APOOL: variants seen among roughly 807,000 people sequenced by gnomAD.
The protein encoded by APOOL is apolipoprotein O like.
In APOOL, 12 loss-of-function variants were observed where a neutral mutation model predicts 23.1. That is an observed-to-expected ratio of 0.52 (90% CI 0.33 to 0.84). The LOEUF (loss-of-function observed/expected upper bound fraction) is 0.84. APOOL is among the 40% of genes least tolerant of loss of function. The pLI is 0.02. For missense variants in APOOL, 212 were observed against 199.6 expected (o/e 1.06, Z -0.37); for synonymous variants, 77 against 69.9 (o/e 1.10, Z -0.51).
intron 1 of APOOL, among the ~76,000 whole-genome samples, chrX:85,034,849 A>G (rs190182945): frequency 2.5e-3 from 276 of 111,922 alleles, no homozygotes; most frequent in African/African-American, 8.6e-3. Flanking sequence ...CATTTTCTAT[A>G]TTCAGTACAA....
intron 1 of APOOL, among the ~76,000 whole-genome samples, chrX:85,044,221 A>G (rs938886140): frequency 9.1e-6 from 1 of 110,241 alleles, no homozygotes; most frequent in Non-Finnish European, 1.9e-5. Context: ...AAGTTTAGAC[A>G]GTAAGTTCCG....
At chrX:85,075,145 G>A (rs2147662542) in intron 8 of APOOL, among the ~76,000 whole-genome samples, 1 of 110,934 alleles carries the variant, frequency 9.0e-6, no homozygotes, top group East Asian at 2.8e-4. Flanking sequence ...AAAGGAAGGT[G>A]GCTAATTCAG....
Position 85,092,417 on chromosome X carries a change from G to T in APOOL, c.*4739G>T. 1 of 1,180,490 alleles carries T rather than the reference G, an allele frequency of 8.5e-7. No individual in the cohort carries two copies. The highest frequency in any genetic ancestry group is 1.1e-6 in the Non-Finnish European group (1 of 879,945). On this transcript the variant is annotated 3_prime_UTR_variant, in exon 9 of 9. Transcript: ENST00000373173. Reference sequence around the variant, plus strand: ...CATTCTTCCCATGCCATGTCCAGGAGTTCTTCTCTGTTAAACCTGAAGAGA... The same window carrying T: ...CATTCTTCCCATGCCATGTCCAGGATTTCTTCTCTGTTAAACCTGAAGAGA...
intron 1 of APOOL, among the ~76,000 whole-genome samples, chrX:85,017,332 G>A (rs1050064394): frequency 1.8e-5 from 2 of 111,319 alleles, no homozygotes; most frequent in Non-Finnish European, 1.9e-5. Context: ...TGCATTTGGC[G>A]AGGCCGATCT....
At position 85,051,461 on chromosome X, in the gene APOOL, T is replaced by C; in HGVS notation, c.193T>C (p.Phe65Leu). The C allele has an allele frequency of 1.7e-6, 2 of 1,211,253 alleles. No individual in the cohort carries two copies. The highest frequency in any genetic ancestry group is 1.1e-6 in the Non-Finnish European group (1 of 895,164). The change falls in exon 3 of 9, where the codon TTT (phenylalanine) becomes CTT (leucine). Residue 65 changes from phenylalanine to leucine, a missense_variant. Coordinates refer to ENST00000373173, the MANE Select transcript of APOOL (RefSeq NM_198450.6). ...GCAGCCTGGTCATTTACAAATGGGCTTTGCTTCCATCCGCACTGCAACTGG... is the reference window on the plus strand; with the variant it reads ...GCAGCCTGGTCATTTACAAATGGGCCTTGCTTCCATCCGCACTGCAACTGG... ...EEQPGHLQMGFASIRTATGCY... is the reference protein window; with the variant it reads ...EEQPGHLQMGLASIRTATGCY...
chrX:85,070,387 G>T (rs988994093), intron 6 of APOOL, among the ~76,000 whole-genome samples: 2 of 111,104 alleles, frequency 1.8e-5, no homozygotes, highest in Non-Finnish European at 3.8e-5. Flanking sequence ...ATTACTCTTC[G>T]CTTTTTATAA....
intron 8 of APOOL, among the ~76,000 whole-genome samples, chrX:85,077,848 G>C (rs190737784): frequency 1.8e-5 from 2 of 110,766 alleles, no homozygotes; most frequent in South Asian, 3.8e-4. Context: ...TTGCAGTGAT[G>C]ATGAGCATTT....
At chrX:85,078,838 TTC>T in intron 8 of APOOL, among the ~76,000 whole-genome samples, 1 of 111,331 alleles carries the variant, frequency 9.0e-6, no homozygotes, top group East Asian at 2.8e-4. Flanking sequence ...AGGTATTTTA[TTC>T]TCTTTGTAGC....
In APOOL at chrX:85,067,187, G is replaced by A; in HGVS notation, c.455G>A (p.Cys152Tyr). The A allele has an allele frequency of 8.6e-7, 1 of 1,158,265 alleles. No homozygotes were observed. Among genetic ancestry groups the A allele is most frequent in the Non-Finnish European group, 1.2e-6 (1 of 866,105 alleles). ...LGLATLGATV[C>Y]YPVQSVIIAK... is the part of the protein sequence containing the mutation. ...CTGGCCACTTTAGGAGCAACTGTTTGCTACCCAGTTCAGTCCGTAATAATT... is the reference window on the plus strand; with the variant it reads ...CTGGCCACTTTAGGAGCAACTGTTTACTACCCAGTTCAGTCCGTAATAATT... The change falls in exon 6 of 9, where the codon TGC becomes TAC. Residue 152 changes from cysteine (C) to tyrosine (Y), a missense_variant. By Grantham distance (194) the Cys-to-Tyr change is radical (BLOSUM62 -2). Transcript: ENST00000373173.
chrX:85,008,386 A>G, intron 1 of APOOL, among the ~76,000 whole-genome samples: 1 of 111,549 alleles, frequency 9.0e-6, no homozygotes, highest in Non-Finnish European at 1.9e-5. Flanking sequence ...AGTGAGTTCA[A>G]CTTCTCAAAA....
In APOOL at chrX:85,069,662, G is replaced by T. The variant is rs1336649335; in HGVS notation, c.486+2444G>T. ...ATCTTTCCTTTTTCTCTATTTTGAA[G>T]TAGGGCTTTTCTTTGAGTATTGGTC... On this transcript the variant is annotated intron_variant, in intron 6 of 8. Coordinates refer to ENST00000373173, the MANE Select transcript of APOOL (RefSeq NM_198450.6). 4.9e-5 allele frequency among the ~76,000 whole-genome samples: 5 copies of T among 101,638 alleles called. No individual in the cohort carries two copies. In the Middle Eastern group the frequency reaches 0.015, roughly 311 times the overall value. The allele number at this position is 101,638 out of a possible 115,157, so 88.3% of individuals were successfully genotyped here. A position where few individuals can be genotyped will look rare whatever the true frequency, so the allele number is the denominator to read the frequency against.
chrX:85,092,459 A>G lies in APOOL; in HGVS notation c.*4781A>G, dbSNP rs768768840. The G allele has an allele frequency of 6.7e-6, 8 of 1,202,536 alleles. No homozygotes were observed. The East Asian group carries it at 2.4e-4, about 36-fold the overall frequency. On this transcript the variant is annotated 3_prime_UTR_variant, in exon 9 of 9. Coordinates refer to ENST00000373173, the MANE Select transcript of APOOL (RefSeq NM_198450.6). ...CTGAAGAGATGCCAGCCCTCCTCAG[A>G]GGAAAGGTCTAAAGCCCCTCGACTA... is the stretch of plus-strand genomic sequence containing the variant.
intron 1 of APOOL, among the ~76,000 whole-genome samples, chrX:85,010,243 CATT>C (rs1921230347): frequency 1.8e-5 from 2 of 112,069 alleles, no homozygotes; most frequent in African/African-American, 6.5e-5. Flanking sequence ...AGTGGTATAT[CATT>C]GTTGTTTTAA....
rs1924406633 is a variant in APOOL, at chrX:85,088,148, ATAAAT to A, written c.*471_*475del. 1 of 4,964 alleles carries A rather than the reference ATAAAT, an allele frequency of 2.0e-4. No homozygotes were observed. The highest frequency in any genetic ancestry group is 3.9e-4 in the Non-Finnish European group (1 of 2,550). The allele number at this position is 4,964 out of a possible 1,213,427, so 0.4% of individuals were successfully genotyped here. On this transcript the variant is annotated 3_prime_UTR_variant, in exon 9 of 9. Coordinates refer to ENST00000373173, the MANE Select transcript of APOOL (RefSeq NM_198450.6). ...TACATACATATTTATACATATATGT[ATAAAT>A]ACATACATATTTATACATATATGTA...
At chrX:85,073,933 TA>T in intron 6 of APOOL, 64 bp from the exon 7 acceptor site, 1 of 824,708 alleles carries the variant, frequency 1.2e-6, no homozygotes, top group Non-Finnish European at 1.7e-6. Flanking sequence ...CTGACAAATC[TA>T]AAATACATTT....
rs181570880 is a variant in APOOL at position 85,072,699 on chromosome X, A to T, written c.487-1299A>T. Among the ~76,000 whole-genome samples the T allele has an allele frequency of 2.2e-3, 245 of 111,705 alleles. 1 individual carries two copies. The highest frequency in any genetic ancestry group is 7.9e-3 in the African/African-American group (242 of 30,820). The stretch of plus-strand genomic sequence containing the variant: ...TTATAGAATGCTAAACTAAGCAGCA[A>T]ATTTAAAAAGTAGATCTACGGTATA... On this transcript the variant is annotated intron_variant, in intron 6 of 8. Coordinates refer to ENST00000373173, the MANE Select transcript of APOOL (RefSeq NM_198450.6).
intron 1 of APOOL, among the ~76,000 whole-genome samples, chrX:85,024,049 C>T (rs924247587): frequency 3.6e-5 from 4 of 111,703 alleles, no homozygotes; most frequent in African/African-American, 1.3e-4. Flanking sequence ...TCTCAGATAT[C>T]CCTGCCTAGA....
chrX:85,067,627 A>AACACACACACACACAC (rs758966009), intron 6 of APOOL, among the ~76,000 whole-genome samples: 11 of 90,406 alleles, frequency 1.2e-4, no homozygotes, highest in African/African-American at 4.6e-4. Flanking sequence ...CTGAAGGTAA[A>AACACACACACACACAC]ACACACACAC....
At chrX:85,063,158 G>GT (rs1923300967) in intron 5 of APOOL, among the ~76,000 whole-genome samples, 1 of 111,193 alleles carries the variant, frequency 9.0e-6, no homozygotes, top group East Asian at 2.8e-4. Flanking sequence ...TTGGCTCTCT[G>GT]CTTGCCTGTT....
Sources: gnomAD v4.1 joint callset for allele counts (sites outside exome capture counted in the v4.1 genomes callset) on GRCh38, gnomAD v4.1.1 for gene constraint, MANE v1.5 for transcripts, NCBI Gene and HGNC (gene_info 2026-07-23, HGNC 2026-07-21) for gene names.